PHF21A: variants seen among roughly 807,000 people sequenced by gnomAD.
The protein encoded by PHF21A is BHC80a.
A neutral mutation model predicts 82.5 loss-of-function variants in PHF21A; 11 were observed. The ratio of observed to expected loss-of-function variants is 0.13; its 90% CI spans 0.08 to 0.22. The LOEUF (loss-of-function observed/expected upper bound fraction) is 0.22. Among genes scored for constraint, PHF21A ranks in the 10% least tolerant of loss-of-function variants. The probability of loss-of-function intolerance (pLI) is 1.00; values close to 1 mark genes in which losing one functional copy is unlikely to be tolerated. For synonymous variants in PHF21A, 297 were observed against 302.8 expected (o/e 0.98, Z 0.20); for missense variants, 579 against 837.8 (o/e 0.69, Z 3.81).
chr11:46,032,984 A>G (rs1033233552), intron 6 of PHF21A, among the ~76,000 whole-genome samples: 10 of 152,138 alleles, frequency 6.6e-5, no homozygotes, highest in Non-Finnish European at 1.5e-4. Flanking sequence ...GCCTCTCTCT[A>G]ATTGCATCCC....
intron 6 of PHF21A, among the ~76,000 whole-genome samples, chr11:46,073,602 T>A (rs1346281184): frequency 6.6e-6 from 1 of 152,182 alleles, no homozygotes; most frequent in African/African-American, 2.4e-5. Context: ...ATACTGACAC[T>A]GTTTTTGCAT....
chr11:46,048,672 A>G (rs1300235707), intron 6 of PHF21A, among the ~76,000 whole-genome samples: 2 of 152,108 alleles, frequency 1.3e-5, no homozygotes, highest in Non-Finnish European at 2.9e-5. Flanking sequence ...CGGGAGGCTG[A>G]GGCAGGAGAA....
intron 1 of PHF21A, among the ~76,000 whole-genome samples, chr11:46,101,559 T>C (rs2097095808): frequency 6.6e-6 from 1 of 152,232 alleles, no homozygotes; most frequent in Non-Finnish European, 1.5e-5. Context: ...CTATAAAGGC[T>C]CTTGTCTCAA....
chr11:46,022,612 C>A (rs1227700517), intron 6 of PHF21A, among the ~76,000 whole-genome samples: 11 of 152,154 alleles, frequency 7.2e-5, no homozygotes, highest in Non-Finnish European at 1.3e-4. Flanking sequence ...CAGGCACATG[C>A]CACCATGCCA....
At chr11:45,952,329 C>A (rs1422742588) in intron 11 of PHF21A, among the ~76,000 whole-genome samples, 1 of 152,102 alleles carries the variant, frequency 6.6e-6, no homozygotes, top group Non-Finnish European at 1.5e-5. Flanking sequence ...GCAGCCTAGA[C>A]CTCCCGGGCT....
chr11:46,066,549 A>G (rs1390885474), intron 6 of PHF21A, among the ~76,000 whole-genome samples: 1 of 152,004 alleles, frequency 6.6e-6, no homozygotes, highest in African/African-American at 2.4e-5. Flanking sequence ...ATAAAAATAA[A>G]TTAGCCAGGC....
intron 6 of PHF21A, among the ~76,000 whole-genome samples, chr11:46,057,562 AAAAG>A (rs2096477776): frequency 1.3e-5 from 2 of 152,334 alleles, no homozygotes; most frequent in African/African-American, 2.4e-5. Flanking sequence ...AATAGAGGAA[AAAAG>A]AAAGAGAGTT....
intron 6 of PHF21A, among the ~76,000 whole-genome samples, chr11:46,037,589 G>C (rs2096035573): frequency 6.8e-6 from 1 of 147,586 alleles, no homozygotes; most frequent in Admixed American, 7.0e-5. Flanking sequence ...GTTGCGGTGA[G>C]CCGAGATCGT....
At chr11:45,980,008 C>G in intron 6 of PHF21A, 42 bp from the exon 7 acceptor site, 1 of 1,612,546 alleles carries the variant, frequency 6.2e-7, no homozygotes, top group Non-Finnish European at 8.5e-7. Context: ...TATTAGAATA[C>G]TGCTCTATCA....
intron 7 of PHF21A, among the ~76,000 whole-genome samples, chr11:45,976,776 G>A (rs1020089565): frequency 3.3e-5 from 5 of 152,158 alleles, no homozygotes; most frequent in Admixed American, 6.5e-5. Context: ...AGGGGTTTCA[G>A]TGAGCTGAGA....
At chr11:46,070,090 T>A (rs895626777) in intron 6 of PHF21A, among the ~76,000 whole-genome samples, 1 of 152,304 alleles carries the variant, frequency 6.6e-6, no homozygotes, top group African/African-American at 2.4e-5. Context: ...GGTTCCCCCA[T>A]CCCTACCCAG....
At chr11:46,110,186 C>T (rs1416235408) in intron 1 of PHF21A, among the ~76,000 whole-genome samples, 2 of 152,102 alleles carry the variant, frequency 1.3e-5, no homozygotes, top group Non-Finnish European at 1.5e-5. Flanking sequence ...TGAGTATTAT[C>T]TTATCTAATC....
Position 45,938,316 on chromosome 11 carries a change from T to C in PHF21A, c.1453-4A>G, listed in dbSNP as rs2089585064. The C allele has an allele frequency of 1.9e-6, 3 of 1,604,620 alleles. No homozygotes were observed. Among genetic ancestry groups the C allele is most frequent in the Non-Finnish European group, 2.6e-6 (3 of 1,175,496 alleles). ...AAAAATCCTCATGAATATCACCCTA[T>C]AAAGTTGAGAGGAAAGGTAAGAAAA... On this transcript the variant is annotated splice_region_variant and splice_polypyrimidine_tract_variant and intron_variant, in intron 15 of 18. Transcript: ENST00000676320.
chr11:45,965,162 G>A (rs978092169), intron 10 of PHF21A, among the ~76,000 whole-genome samples, 153 bp downstream of exon 10: 1 of 152,222 alleles, frequency 6.6e-6, no homozygotes, highest in African/African-American at 2.4e-5. Flanking sequence ...TGACCCTTCT[G>A]CACGTGGATG....
At chr11:45,983,991 T>C (rs1315349625) in intron 6 of PHF21A, among the ~76,000 whole-genome samples, 1 of 152,216 alleles carries the variant, frequency 6.6e-6, no homozygotes, top group Non-Finnish European at 1.5e-5. Flanking sequence ...AAGGTTATAC[T>C]GGCATACATG....
chr11:45,953,452 C>T (rs2092358961), intron 11 of PHF21A, 75 bp downstream of exon 11: 2 of 829,158 alleles, frequency 2.4e-6, no homozygotes, highest in East Asian at 2.5e-5. Flanking sequence ...ATTCAGAGAG[C>T]AGGTGCCCCT....
intron 14 of PHF21A, among the ~76,000 whole-genome samples, chr11:45,946,693 T>C (rs2091352256): frequency 6.6e-6 from 1 of 152,200 alleles, no homozygotes; most frequent in South Asian, 2.1e-4. Context: ...TATTTTTTCA[T>C]ATCTTGCATA....
At chr11:45,941,516 T>C (rs561690089) in intron 15 of PHF21A, among the ~76,000 whole-genome samples, 1 of 152,324 alleles carries the variant, frequency 6.6e-6, no homozygotes, top group African/African-American at 2.4e-5. Flanking sequence ...TGGTTTAGTA[T>C]CATTATGAAA....
At chr11:46,094,429 T>C (rs1322921763) in intron 1 of PHF21A, among the ~76,000 whole-genome samples, 1 of 152,192 alleles carries the variant, frequency 6.6e-6, no homozygotes, top group Non-Finnish European at 1.5e-5. Context: ...GAAGAGCTTA[T>C]GGGCCCGAGA....
Sources: allele counts gnomAD v4.1 joint callset (sites outside exome capture counted in the v4.1 genomes callset), GRCh38; gene constraint gnomAD v4.1.1; transcripts MANE v1.5; gene names NCBI Gene and HGNC (gene_info 2026-07-23, HGNC 2026-07-21).